Variants in RPS6KB1 observed in about 807,000 individuals in gnomAD.
RPS6KB1 encodes ribosomal protein S6 kinase B1.
In RPS6KB1, 12 loss-of-function variants were observed where a neutral mutation model predicts 70.2. The observed-to-expected ratio is 0.17, with a 90% CI of 0.11 to 0.28. RPS6KB1 has a LOEUF of 0.28. RPS6KB1 is among the 10% of genes least tolerant of loss of function. The probability of loss-of-function intolerance (pLI) is 1.00; values close to 1 mark genes in which losing one functional copy is unlikely to be tolerated. For synonymous variants in RPS6KB1, 175 were observed against 211.2 expected (o/e 0.83, Z 1.49); for missense variants, 270 against 646.6 (o/e 0.42, Z 6.32).
intron 7 of RPS6KB1, among the ~76,000 whole-genome samples, chr17:59,933,825 A>C (rs972392070): frequency 6.6e-6 from 1 of 152,200 alleles, no homozygotes; most frequent in African/African-American, 2.4e-5. Context: ...TGTGTACGTA[A>C]ACTAGACTTC....
chr17:59,949,443 T>C lies in RPS6KB1; in HGVS notation c.*2655T>C, dbSNP rs1314941190. On this transcript the variant is annotated 3_prime_UTR_variant, in exon 15 of 15. Transcript: ENST00000225577. Reference sequence around the variant, plus strand: ...AGATTAAGTGCTTTTTTTTCATCACTTGATTATTTTCTTTAAAATCAGCTA... The same window carrying C: ...AGATTAAGTGCTTTTTTTTCATCACCTGATTATTTTCTTTAAAATCAGCTA... 6.6e-6 allele frequency: 1 copy of C among 152,582 alleles called. No homozygotes were observed. The highest frequency in any genetic ancestry group is 6.6e-5 in the Admixed American group (1 of 15,264). 9.5% of individuals were successfully genotyped at this position (152,582 alleles called of 1,614,324 possible). A position where few individuals can be genotyped will look rare whatever the true frequency, so the allele number is the denominator to read the frequency against.
At chr17:59,930,247 A>G in intron 6 of RPS6KB1, 73 bp downstream of exon 6, 1 of 869,782 alleles carries the variant, frequency 1.1e-6, no homozygotes, top group Non-Finnish European at 2.0e-6. Context: ...ATGGGCAGCC[A>G]CATGATTCAG....
intron 6 of RPS6KB1, 163 bp downstream of exon 6, chr17:59,930,337 A>C: frequency 7.6e-6 from 5 of 661,338 alleles, no homozygotes; most frequent in East Asian, 2.6e-5. Context: ...TATGGAGGTC[A>C]CATCATTCCT....
At chr17:59,907,120 C>T (rs543352360) in intron 1 of RPS6KB1, 1 of 152,152 alleles carries the variant, frequency 6.6e-6, no homozygotes, top group East Asian at 1.9e-4. Context: ...TCTCCTGCCT[C>T]AGCCTCCCGA....
chr17:59,921,636 G>C (rs2043270185), intron 4 of RPS6KB1, among the ~76,000 whole-genome samples: 1 of 152,024 alleles, frequency 6.6e-6, no homozygotes, highest in Admixed American at 6.6e-5. Context: ...AGTTCTCCTG[G>C]GACTGTTTAC....
At chr17:59,943,529 A>T (rs1348091162) in intron 13 of RPS6KB1, among the ~76,000 whole-genome samples, 1 of 152,120 alleles carries the variant, frequency 6.6e-6, no homozygotes, top group Admixed American at 6.6e-5. Context: ...AGAGCAACTC[A>T]TTTGTTAGGT....
intron 7 of RPS6KB1, among the ~76,000 whole-genome samples, chr17:59,932,549 A>AG (rs2043983765): frequency 8.1e-6 from 1 of 123,858 alleles, no homozygotes. Flanking sequence ...GCATCAGGTT[A>AG]CTTTTTTTTT....
At chr17:59,918,020 G>A (rs543941333) in intron 4 of RPS6KB1, among the ~76,000 whole-genome samples, 37 of 152,144 alleles carry the variant, frequency 2.4e-4, no homozygotes, top group African/African-American at 8.7e-4. Flanking sequence ...CGCAACCTCC[G>A]CCTCCTGGGT....
rs1037309353 is a variant in RPS6KB1, at chr17:59,948,284, A to G, written c.*1496A>G. 1 of 152,672 alleles carries G rather than the reference A, an allele frequency of 6.5e-6. No individual in the cohort carries two copies. Among genetic ancestry groups the G allele is most frequent in the African/African-American group, 2.4e-5 (1 of 41,462 alleles). The allele number at this position is 152,672 out of a possible 1,614,324, so 9.5% of individuals were successfully genotyped here. A position where few individuals can be genotyped will look rare whatever the true frequency, so the allele number is the denominator to read the frequency against. On this transcript the variant is annotated 3_prime_UTR_variant, in exon 15 of 15. Coordinates refer to ENST00000225577, the MANE Select transcript of RPS6KB1 (RefSeq NM_003161.4). Reference sequence around the variant, plus strand: ...AAAATATATTTCAGTGCATACTGGTATAATAGATGATCATGCAGTTGCAGT... The same window carrying G: ...AAAATATATTTCAGTGCATACTGGTGTAATAGATGATCATGCAGTTGCAGT...
chr17:59,913,173 A>G (rs2042748160), intron 3 of RPS6KB1, among the ~76,000 whole-genome samples: 3 of 152,188 alleles, frequency 2.0e-5, no homozygotes, highest in Admixed American at 2.0e-4. Context: ...GTTATCTGTT[A>G]CTGAGACCTT....
At position 59,946,499 on chromosome 17, in the gene RPS6KB1, T is replaced by G; in HGVS notation, c.1341-52T>G. Reference sequence around the variant, plus strand: ...CCTTTAAACGTAAAGGAAATATGTCTTGTTGAGATGACCCTTAAGCAAATG... The same window carrying G: ...CCTTTAAACGTAAAGGAAATATGTCGTGTTGAGATGACCCTTAAGCAAATG... On this transcript the variant is annotated intron_variant, in intron 14 of 14. Transcript: ENST00000225577. The surrounding 1 kb of genome is among the most constrained non-coding windows in gnomAD (Gnocchi z 4.2). 7.6e-7 allele frequency: 1 copy of G among 1,308,462 alleles called. No homozygotes were observed. The highest frequency in any genetic ancestry group is 1.5e-5 in the African/African-American group (1 of 68,866). 81.1% of individuals were successfully genotyped at this position (1,308,462 alleles called of 1,614,324 possible). A position where few individuals can be genotyped will look rare whatever the true frequency, so the allele number is the denominator to read the frequency against.
chr17:59,909,905 G>A (rs988108423), intron 1 of RPS6KB1, among the ~76,000 whole-genome samples: 5 of 152,010 alleles, frequency 3.3e-5, no homozygotes, highest in African/African-American at 9.7e-5. Flanking sequence ...CCAGCTACTC[G>A]GAAGGCTGAG....
In RPS6KB1 at chr17:59,947,036, C is replaced by T; in HGVS notation, c.*248C>T. On this transcript the variant is annotated 3_prime_UTR_variant, in exon 15 of 15. Coordinates refer to ENST00000225577, the MANE Select transcript of RPS6KB1 (RefSeq NM_003161.4). Reference sequence around the variant, plus strand: ...ATTAATTGATTCCTCGCGACATCTTCTCAACCTTATCAAGGATTTTCATGT... The same window carrying T: ...ATTAATTGATTCCTCGCGACATCTTTTCAACCTTATCAAGGATTTTCATGT... The T allele has an allele frequency of 7.6e-7, 1 of 1,323,138 alleles. No individual in the cohort carries two copies. The highest frequency in any genetic ancestry group is 9.7e-7 in the Non-Finnish European group (1 of 1,031,332). 82.0% of individuals were successfully genotyped at this position (1,323,138 alleles called of 1,614,324 possible). A position where few individuals can be genotyped will look rare whatever the true frequency, so the allele number is the denominator to read the frequency against.
intron 5 of RPS6KB1, 37 bp downstream of exon 5, chr17:59,926,619 G>C (rs1418230212): frequency 1.3e-6 from 2 of 1,511,164 alleles, no homozygotes; most frequent in African/African-American, 2.8e-5. Flanking sequence ...ATTTGCATTT[G>C]CTCCAGAAAC....
chr17:59,914,642 A>G lies in RPS6KB1; in HGVS notation c.320A>G (p.Gln107Arg). 1 of 1,612,618 alleles carries G rather than the reference A, an allele frequency of 6.2e-7. No individual in the cohort carries two copies. The highest frequency in any genetic ancestry group is 8.5e-7 in the Non-Finnish European group (1 of 1,179,498). The change falls in exon 4 of 15, where the codon CAA becomes CGA. Residue 107 changes from glutamine to arginine, a missense_variant. Around this residue, in one of 4 missense-constraint regions of RPS6KB1, gnomAD observed 44 missense variants for 102.5 expected, o/e 0.43. Coordinates refer to ENST00000225577, the MANE Select transcript of RPS6KB1 (RefSeq NM_003161.4). ...CACTTTTTTTTAATCCAGGTTTTTCAAGTACGAAAAGTAACAGGAGCAAAT... is the reference window on the plus strand; with the variant it reads ...CACTTTTTTTTAATCCAGGTTTTTCGAGTACGAAAAGTAACAGGAGCAAAT... ...LGKGGYGKVF[Q>R]VRKVTGANTG... is the part of the protein sequence containing the mutation.
Position 59,947,935 on chromosome 17 carries a change from AT to A in RPS6KB1, c.*1154del, listed in dbSNP as rs889532382. 15 of 276,374 alleles carry A rather than the reference AT, an allele frequency of 5.4e-5. No individual in the cohort carries two copies. Among genetic ancestry groups the A allele is most frequent in the Non-Finnish European group, 8.1e-5 (12 of 148,882 alleles). The allele number at this position is 276,374 out of a possible 1,614,324, so 17.1% of individuals were successfully genotyped here. A position where few individuals can be genotyped will look rare whatever the true frequency, so the allele number is the denominator to read the frequency against. The stretch of plus-strand genomic sequence containing the variant: ...TGTTTCTGCTGTCTACCTTCCTTAT[AT>A]TTTTTTCCTCAACAGTTTTAAAAAG... On this transcript the variant is annotated 3_prime_UTR_variant, in exon 15 of 15. Coordinates refer to ENST00000225577, the MANE Select transcript of RPS6KB1 (RefSeq NM_003161.4).
At chr17:59,904,645 C>T (rs1043326670) in intron 1 of RPS6KB1, among the ~76,000 whole-genome samples, 2 of 147,910 alleles carry the variant, frequency 1.4e-5, no homozygotes, top group South Asian at 2.1e-4. Context: ...CCTCCTGCCT[C>T]GGCCTCCCAA....
chr17:59,935,164 A>G (rs1181090462), intron 9 of RPS6KB1, 29 bp from the exon 10 acceptor site: 1 of 1,381,422 alleles, frequency 7.2e-7, no homozygotes, highest in Non-Finnish European at 1.0e-6. Flanking sequence ...TCTCCCTGCT[A>G]ATATTTTTCA....
In RPS6KB1 at chr17:59,926,325, T is replaced by TA. The variant is rs34897088; in HGVS notation, c.382-108dup. 2,219 of 794,650 alleles carry TA rather than the reference T, an allele frequency of 2.8e-3. 104 individuals are homozygous for TA. The Admixed American group carries it at 0.06, about 22-fold the overall frequency. The allele number at this position is 794,650 out of a possible 1,614,324, so 49.2% of individuals were successfully genotyped here. A position where few individuals can be genotyped will look rare whatever the true frequency, so the allele number is the denominator to read the frequency against. On this transcript the variant is annotated intron_variant, in intron 4 of 14. Transcript: ENST00000225577. ...CTCAGTTTCTAGTGGGAACTATGGTTAATAGTTCAATATTGGCAGGAAAAA... is the reference window on the plus strand; with the variant it reads ...CTCAGTTTCTAGTGGGAACTATGGTTAAATAGTTCAATATTGGCAGGAAAAA...
Sources: gnomAD v4.1 joint callset for allele counts (sites outside exome capture counted in the v4.1 genomes callset) on GRCh38, gnomAD v4.1.1 for gene constraint, gnomAD v4.1.1 regional missense constraint, Gnocchi (gnomAD v3.1) non-coding constraint, MANE v1.5 for transcripts, NCBI Gene and HGNC (gene_info 2026-07-23, HGNC 2026-07-21) for gene names.